Variants in ECM2 observed in about 807,000 individuals in gnomAD.
ECM2 encodes extracellular matrix protein 2.
Under a neutral mutation model 67.5 loss-of-function variants are expected in ECM2, and 57 were observed. That is an observed-to-expected ratio of 0.84 (90% CI 0.68 to 1.05). The LOEUF (loss-of-function observed/expected upper bound fraction) is 1.05, where lower values mean the gene tolerates loss of function less well. ECM2 is among the 50% of genes least tolerant of loss of function. ECM2 has a pLI of 0.00. For missense variants in ECM2, 741 were observed against 822.8 expected, an observed-to-expected ratio of 0.90 and a Z score of 1.22; for synonymous variants, 258 against 294.5, an observed-to-expected ratio of 0.88 and a Z score of 1.27.
intron 1 of ECM2, chr9:92,528,110 C>G (rs1163567061): frequency 6.6e-6 from 1 of 152,220 alleles, no homozygotes; most frequent in African/African-American, 2.4e-5. Context: ...AAATCTGACT[C>G]CCAGCCAACA....
chr9:92,520,304 C>T (rs1027202668), intron 2 of ECM2, among the ~76,000 whole-genome samples: 2 of 151,788 alleles, frequency 1.3e-5, no homozygotes, highest in Non-Finnish European at 2.9e-5. Flanking sequence ...AAGAAATAGG[C>T]ATAGGGGTTG....
At chr9:92,534,820 A>G (rs530420570) in intron 1 of ECM2, among the ~76,000 whole-genome samples, 12 of 152,198 alleles carry the variant, frequency 7.9e-5, no homozygotes, top group South Asian at 2.1e-4. Flanking sequence ...GTGCTCTGCA[A>G]TGCATGAAAT....
rs1405361460 is a variant in ECM2 at position 92,515,071 on chromosome 9, A to C, written c.614T>G (p.Ile205Arg). 1.9e-6 allele frequency: 3 copies of C among 1,613,806 alleles called. No homozygotes were observed. Among genetic ancestry groups the C allele is most frequent in the Non-Finnish European group, 1.7e-6 (2 of 1,179,982 alleles). The change falls in exon 4 of 10, where the codon ATA becomes AGA. Residue 205 changes from isoleucine to arginine, a missense_variant. By Grantham distance (97) the Ile-to-Arg change is moderately conservative. Coordinates refer to ENST00000344604, the MANE Select transcript of ECM2 (RefSeq NM_001393.4). ...LPPPQVGMDR[I>R]VRKEALQSEE... ...AGATTGAAGTGCTTCTTTTCTTACT[A>C]TTCGGTCCATTCCCACCTGAGGAGG...
intron 6 of ECM2, among the ~76,000 whole-genome samples, chr9:92,509,431 G>A (rs970891193): frequency 6.6e-6 from 1 of 152,196 alleles, no homozygotes; most frequent in Admixed American, 6.5e-5. Context: ...CATGATAAAT[G>A]AAAATAGCAA....
the ECM2 span, among the ~76,000 whole-genome samples, chr9:92,557,351 A>G: frequency 6.6e-6 from 1 of 152,152 alleles, no homozygotes; most frequent in East Asian, 1.9e-4. Context: ...TGCTTCTTGT[A>G]TTTGGATGTC....
chr9:92,500,901 A>C lies in ECM2; in HGVS notation c.1757T>G (p.Leu586Trp). ...AGCAAGTTTGTTAAATGACAGGTACAAGTATTCCAGGCCTGGTTCCATGTG... is the reference window on the plus strand; with the variant it reads ...AGCAAGTTTGTTAAATGACAGGTACCAGTATTCCAGGCCTGGTTCCATGTG... ...FGHMEPGLEY[L>W]YLSFNKLADD... Residue 586 changes from leucine to tryptophan, a missense_variant, in exon 9 of 10, where the codon TTG becomes TGG. Coordinates refer to ENST00000344604, the MANE Select transcript of ECM2 (RefSeq NM_001393.4). The C allele has an allele frequency of 1.7e-5, 27 of 1,614,202 alleles. No individual in the cohort carries two copies. Among genetic ancestry groups the C allele is most frequent in the Non-Finnish European group, 2.1e-5 (25 of 1,180,028 alleles).
At chr9:92,537,527 G>A (rs1485336462), upstream of ECM2, among the ~76,000 whole-genome samples, 3 of 152,070 alleles carry the variant, frequency 2.0e-5, no homozygotes, top group Non-Finnish European at 4.4e-5. Flanking sequence ...GAGTATGGTA[G>A]CACATGCCTG....
At chr9:92,530,278 A>C (rs1012142596) in intron 1 of ECM2, among the ~76,000 whole-genome samples, 13 of 152,176 alleles carry the variant, frequency 8.5e-5, no homozygotes, top group African/African-American at 3.1e-4. Flanking sequence ...AATGTAAACT[A>C]TGGACATTGG....
intron 8 of ECM2, 104 bp downstream of exon 8, chr9:92,502,409 T>C: frequency 1.4e-6 from 2 of 1,396,568 alleles, no homozygotes; most frequent in Non-Finnish European, 2.0e-6. Flanking sequence ...CCCTTCAGTA[T>C]CGTCACCTCC....
chr9:92,496,238 G>A lies in ECM2; in HGVS notation c.*77C>T, dbSNP rs887968649. On this transcript the variant is annotated 3_prime_UTR_variant, in exon 10 of 10. Transcript: ENST00000344604. ...ATACTGAGTATAACAGGAGGATTAT[G>A]TCTCTCTTATTAATGACAAATGCAG... The A allele has an allele frequency of 1.3e-6, 2 of 1,499,286 alleles. No homozygotes were observed. The highest frequency in any genetic ancestry group is 1.4e-5 in the South Asian group (1 of 69,960). The allele number at this position is 1,499,286 out of a possible 1,614,324, so 92.9% of individuals were successfully genotyped here. A position where few individuals can be genotyped will look rare whatever the true frequency, so the allele number is the denominator to read the frequency against.
At position 92,517,679 on chromosome 9, in the gene ECM2, C is replaced by G. The variant is rs1563981589; in HGVS notation, c.481+8G>C. On this transcript the variant is annotated splice_region_variant and intron_variant, in intron 3 of 9. Coordinates refer to ENST00000344604, the MANE Select transcript of ECM2 (RefSeq NM_001393.4). ...ACACTGATATTTTGCTTAGCTAAAT[C>G]TCTGTACCAGTAGCGGAGCAGACCG... 1 of 1,614,094 alleles carries G rather than the reference C, an allele frequency of 6.2e-7. No individual in the cohort carries two copies. Among genetic ancestry groups the G allele is most frequent in the Admixed American group, 1.7e-5 (1 of 60,020 alleles).
intron 2 of ECM2, 85 bp from the exon 3 acceptor site, chr9:92,517,960 A>T: frequency 6.8e-7 from 1 of 1,477,204 alleles, no homozygotes; most frequent in Non-Finnish European, 9.3e-7. Context: ...GTGAAGTCAA[A>T]CTGCTCTAAC....
intron 6 of ECM2, among the ~76,000 whole-genome samples, chr9:92,506,870 A>G (rs1183851476): frequency 6.6e-6 from 1 of 152,052 alleles, no homozygotes; most frequent in Non-Finnish European, 1.5e-5. Flanking sequence ...GCTCAGAGAG[A>G]AGTACACTGG....
chr9:92,559,015 G>C, the ECM2 span, among the ~76,000 whole-genome samples: 2 of 152,080 alleles, frequency 1.3e-5, no homozygotes, highest in African/African-American at 4.8e-5. Flanking sequence ...TCCAAGCAGA[G>C]GGCAAGAGGG....
chr9:92,558,342 G>A, the ECM2 span, among the ~76,000 whole-genome samples: 3 of 152,186 alleles, frequency 2.0e-5, no homozygotes, highest in Non-Finnish European at 4.4e-5. Flanking sequence ...TTCCCTTGAT[G>A]TAGTACTCTC....
At chr9:92,517,362 A>G (rs980711331) in intron 3 of ECM2, 30 of 503,870 alleles carry the variant, frequency 6.0e-5, no homozygotes, top group South Asian at 5.9e-4. Context: ...AGACCAAAGC[A>G]GAGCCCTTAA....
chr9:92,533,317 AAAAAAAAAAAAATATATAT>A (rs1848939434), intron 1 of ECM2, among the ~76,000 whole-genome samples: 1 of 104,802 alleles, frequency 9.5e-6, no homozygotes, highest in African/African-American at 3.8e-5. Context: ...AAAAAAAAAA[AAAAAAAAAAAAATATATAT>A]ATATATATAT....
intron 5 of ECM2, 149 bp from the exon 6 acceptor site, chr9:92,510,183 C>T: frequency 1.3e-6 from 1 of 747,010 alleles, no homozygotes; most frequent in East Asian, 3.1e-5. Flanking sequence ...ACCCCTTATT[C>T]CCCCTGCCAG....
chr9:92,543,057 A>G, the ECM2 span, among the ~76,000 whole-genome samples: 1 of 152,104 alleles, frequency 6.6e-6, no homozygotes, highest in Non-Finnish European at 1.5e-5. Flanking sequence ...TTGGCTCTCT[A>G]TTCTGTTCCA....
Sources: gnomAD v4.1 joint callset for allele counts (sites outside exome capture counted in the v4.1 genomes callset) on GRCh38, gnomAD v4.1.1 for gene constraint, MANE v1.5 for transcripts, NCBI Gene and HGNC (gene_info 2026-07-23, HGNC 2026-07-21) for gene names.